The following WDSUB1 variants were observed in gnomAD, a reference collection of about 807,000 sequenced individuals.
WDSUB1 encodes WD repeat, SAM and U-box domain-containing protein 1.
Under a neutral mutation model 53.9 loss-of-function variants are expected in WDSUB1, and 49 were observed. The observed-to-expected ratio is 0.91, with a 90% CI of 0.72 to 1.15. WDSUB1 has a LOEUF of 1.15. WDSUB1 is among the 50% of genes most tolerant of loss of function. The pLI, the probability that WDSUB1 is intolerant of heterozygous loss-of-function variation, is 0.00. For synonymous variants in WDSUB1, 194 were observed against 200.6 expected (o/e 0.97, Z 0.28); for missense variants, 514 against 562.0 (o/e 0.91, Z 0.86).
chr2:159,242,398 G>A (rs1299670085), intron 10 of WDSUB1, among the ~76,000 whole-genome samples: 1 of 146,332 alleles, frequency 6.8e-6, no homozygotes, highest in East Asian at 2.2e-4. Flanking sequence ...TGGGTGAGGT[G>A]GCTCACACCT....
chr2:159,249,569 T>G (rs1227237084), intron 9 of WDSUB1, among the ~76,000 whole-genome samples: 1 of 152,170 alleles, frequency 6.6e-6, no homozygotes, highest in Non-Finnish European at 1.5e-5. Context: ...TCAGACAGTC[T>G]TCTTGAGGAT....
chr2:159,280,690 C>CAAAAAAAAAA lies in WDSUB1; in HGVS notation c.399-755_399-746dup, dbSNP rs58584838. 2.5e-3 allele frequency among the ~76,000 whole-genome samples: 146 copies of CAAAAAAAAAA among 59,518 alleles called. 13 individuals carry two copies. Among genetic ancestry groups the CAAAAAAAAAA allele is most frequent in the African/African-American group, 0.014 (138 of 9,850 alleles). The allele number at this position is 59,518 out of a possible 152,430, so 39.0% of individuals were successfully genotyped here. A position where few individuals can be genotyped will look rare whatever the true frequency, so the allele number is the denominator to read the frequency against. ...TGGGCGACAGAGCGAGACTCCGTCT[C>CAAAAAAAAAA]AAAAAAAAAAAAAAAAAAATTACCC... On this transcript the variant is annotated intron_variant, in intron 2 of 10. Coordinates refer to ENST00000359774, the MANE Select transcript of WDSUB1 (RefSeq NM_001128212.3).
At chr2:159,286,505 C>A (rs940827190) in intron 1 of WDSUB1, 78 bp downstream of exon 1, 9 of 83,430 alleles carry the variant, frequency 1.1e-4, no homozygotes, top group Admixed American at 4.3e-4. Flanking sequence ...TCAGACGCCC[C>A]GCGCGAGCAG....
rs574711370 is a variant in WDSUB1 at position 159,282,442 on chromosome 2, T to C, written c.398+230A>G. Reference sequence around the variant, plus strand: ...CTCCTGACCTCGTGATCCGCCTGCCTTGGCCTCCCAAAGTGCTGGGATTAC... The same window carrying C: ...CTCCTGACCTCGTGATCCGCCTGCCCTGGCCTCCCAAAGTGCTGGGATTAC... On this transcript the variant is annotated intron_variant, in intron 2 of 10. Coordinates refer to ENST00000359774, the MANE Select transcript of WDSUB1 (RefSeq NM_001128212.3). Among the ~76,000 whole-genome samples, 5 of 152,310 alleles carry C rather than the reference T, an allele frequency of 3.3e-5. No individual in the cohort carries two copies. The South Asian group carries it at 1.0e-3, about 32-fold the overall frequency.
chr2:159,279,030 T>A (rs1052697395), intron 3 of WDSUB1, among the ~76,000 whole-genome samples: 2 of 152,216 alleles, frequency 1.3e-5, no homozygotes, highest in Non-Finnish European at 2.9e-5. Context: ...TTATCAATTA[T>A]TGAAACTACA....
intron 5 of WDSUB1, among the ~76,000 whole-genome samples, chr2:159,263,906 G>T (rs1187904222): frequency 6.6e-6 from 1 of 152,002 alleles, no homozygotes; most frequent in African/African-American, 2.4e-5. Flanking sequence ...TGCTTTATCT[G>T]CATTTTCTTA....
rs753837987 is a variant in WDSUB1, at chr2:159,256,286, C to G, written c.1042G>C (p.Asp348His). The G allele has an allele frequency of 3.1e-6, 5 of 1,612,010 alleles. No individual in the cohort carries two copies. The African/African-American group carries it at 6.7e-5, about 22-fold the overall frequency. Residue 348 changes from aspartate to histidine, a missense_variant, in exon 9 of 11, where the codon GAT becomes CAT. Coordinates refer to ENST00000359774, the MANE Select transcript of WDSUB1 (RefSeq NM_001128212.3). ...TTCATCTTGAAAATACCAACAAGAT[C>G]TTTTAAATCTTGTGCACAAAGCCAT... ...STWLCAQDLK[D>H]LVGIFKMNNI... is the part of the protein sequence containing the mutation.
chr2:159,257,492 T>C (rs566972139), intron 8 of WDSUB1, among the ~76,000 whole-genome samples: 84 of 152,072 alleles, frequency 5.5e-4, no homozygotes, highest in African/African-American at 1.8e-3. Flanking sequence ...GTTCAAGCGA[T>C]TCTCCTGCCT....
At chr2:159,277,686 T>A (rs10173684) in intron 3 of WDSUB1, among the ~76,000 whole-genome samples, 12,590 of 152,174 alleles carry the variant, frequency 0.083, 1,162 homozygotes, top group African/African-American at 0.22. Context: ...TCATAAGTAT[T>A]TACAGATAAT....
chr2:159,273,430 AT>A lies in WDSUB1; in HGVS notation c.677-1636del, dbSNP rs1328316337. On this transcript the variant is annotated intron_variant, in intron 4 of 10. Transcript: ENST00000359774. ...TTTATGAAAAGATTTTATTTTTATT[AT>A]TTTTTTTTTGAGAGCATCTCCTTCT... Among the ~76,000 whole-genome samples the A allele has an allele frequency of 6.7e-5, 10 of 149,940 alleles. No individual in the cohort carries two copies. The South Asian group carries it at 8.4e-4, about 13-fold the overall frequency.
chr2:159,242,074 G>A (rs1410664439), intron 10 of WDSUB1, among the ~76,000 whole-genome samples: 6 of 145,340 alleles, frequency 4.1e-5, no homozygotes, highest in Non-Finnish European at 7.4e-5. Context: ...ATTTAGAGAT[G>A]GAGTCTCGCT....
intron 3 of WDSUB1, among the ~76,000 whole-genome samples, chr2:159,279,455 T>C (rs1351670962): frequency 6.6e-6 from 1 of 152,230 alleles, no homozygotes; most frequent in East Asian, 1.9e-4. Flanking sequence ...GTCCTCTAAA[T>C]TGCCATATCC....
At chr2:159,271,556 G>A in intron 5 of WDSUB1, 146 bp downstream of exon 5, 1 of 667,454 alleles carries the variant, frequency 1.5e-6, no homozygotes, top group Non-Finnish European at 2.6e-6. Flanking sequence ...GCAAGGGGAG[G>A]GCTTCTGGGG....
intron 1 of WDSUB1, among the ~76,000 whole-genome samples, chr2:159,285,644 G>A (rs951774185): frequency 6.6e-6 from 1 of 152,100 alleles, no homozygotes; most frequent in Admixed American, 6.5e-5. Flanking sequence ...AGGTGACGCC[G>A]GCGGTGAGCT....
chr2:159,255,484 A>T (rs925358514), intron 9 of WDSUB1, among the ~76,000 whole-genome samples: 8 of 149,250 alleles, frequency 5.4e-5, no homozygotes, highest in African/African-American at 2.0e-4. Flanking sequence ...AATAAATAAA[A>T]TAAATTAAAT....
intron 10 of WDSUB1, among the ~76,000 whole-genome samples, chr2:159,245,937 C>T (rs1027195535): frequency 2.0e-4 from 22 of 110,462 alleles, no homozygotes; most frequent in Non-Finnish European, 3.4e-4. Flanking sequence ...ATGAGGCAGG[C>T]TACAAGACCA....
intron 10 of WDSUB1, among the ~76,000 whole-genome samples, chr2:159,245,391 G>GGCATGGTGTT (rs1046749963): frequency 6.6e-6 from 1 of 152,046 alleles, no homozygotes; most frequent in Non-Finnish European, 1.5e-5. Flanking sequence ...AAATTAGCCA[G>GGCATGGTGTT]GCATGGTGTT....
intron 9 of WDSUB1, among the ~76,000 whole-genome samples, chr2:159,249,465 G>A (rs1389766167): frequency 6.6e-6 from 1 of 152,164 alleles, no homozygotes; most frequent in African/African-American, 2.4e-5. Context: ...ATTTCAGAAT[G>A]CCTTACAGTT....
At chr2:159,248,230 A>G (rs1030954142) in intron 10 of WDSUB1, 142 bp downstream of exon 10, 24 of 903,970 alleles carry the variant, frequency 2.7e-5, no homozygotes, top group Admixed American at 1.8e-4. Context: ...TACAATATTC[A>G]TTTGTTCACC....
Sources: allele counts gnomAD v4.1 joint callset (sites outside exome capture counted in the v4.1 genomes callset), GRCh38; gene constraint gnomAD v4.1.1; transcripts MANE v1.5; gene names NCBI Gene and HGNC (gene_info 2026-07-23, HGNC 2026-07-21).